Variants in SAMHD1 observed in about 807,000 individuals in gnomAD.
SAMHD1 encodes the protein deoxynucleoside triphosphate triphosphohydrolase SAMHD1.
A neutral mutation model predicts 79.6 loss-of-function variants in SAMHD1; 54 were observed. That is an observed-to-expected ratio of 0.68 (90% CI 0.55 to 0.85). SAMHD1 has a LOEUF of 0.85. SAMHD1 is among the 40% of genes least tolerant of loss of function. The pLI, the probability that SAMHD1 is intolerant of heterozygous loss-of-function variation, is 0.00. For missense variants in SAMHD1, 663 were observed against 782.7 expected, an observed-to-expected ratio of 0.85 and a Z score of 1.82; for synonymous variants, 260 against 264.1, an observed-to-expected ratio of 0.98 and a Z score of 0.15.
At position 36,923,149 on chromosome 20, in the gene SAMHD1, T is replaced by C. The variant is rs545395777; in HGVS notation, c.697-3630A>G. On this transcript the variant is annotated intron_variant, in intron 6 of 15. Transcript: ENST00000646673. ...CTGAGTAGCTGGGACTACAGGTGCC[T>C]GCCACCACACCCAGCCAATTTTTTT... Among the ~76,000 whole-genome samples the C allele has an allele frequency of 2.9e-4, 44 of 152,146 alleles. No individual in the cohort carries two copies. In the East Asian group the frequency reaches 4.5e-3, roughly 15 times the overall value.
Position 36,927,166 on chromosome 20 carries a change from C to A in SAMHD1, c.696+16G>T. 1.3e-6 allele frequency: 2 copies of A among 1,598,346 alleles called. No individual in the cohort carries two copies. The highest frequency in any genetic ancestry group is 2.7e-5 in the African/African-American group (2 of 74,692). On this transcript the variant is annotated intron_variant, in intron 6 of 15. Transcript: ENST00000646673. ...AGTCTTTCTTTTTATTGACTATTGA[C>A]TGTATGAATACATACCGTCCATTTC...
intron 4 of SAMHD1, among the ~76,000 whole-genome samples, chr20:36,933,362 G>T (rs963232299): frequency 2.0e-4 from 30 of 152,230 alleles, no homozygotes; most frequent in African/African-American, 6.7e-4. Flanking sequence ...TTTAACTTAC[G>T]CATTTCCTGA....
chr20:36,932,211 A>AG (rs2063571724), intron 4 of SAMHD1, among the ~76,000 whole-genome samples: 1 of 151,512 alleles, frequency 6.6e-6, no homozygotes, highest in Admixed American at 6.6e-5. Context: ...GCTACTTGGA[A>AG]GGCTGCTTGG....
chr20:36,913,387 T>C (rs979527819), intron 9 of SAMHD1, among the ~76,000 whole-genome samples: 1 of 151,504 alleles, frequency 6.6e-6, no homozygotes, highest in Non-Finnish European at 1.5e-5. Context: ...GCAGATCACC[T>C]GAGGTCAGGA....
rs2063546654 is a variant in SAMHD1 at position 36,928,009 on chromosome 20, T to C, written c.626-757A>G. Among the ~76,000 whole-genome samples the C allele has an allele frequency of 2.0e-5, 3 of 152,222 alleles. No individual in the cohort carries two copies. In the South Asian group the frequency reaches 6.2e-4, roughly 32 times the overall value. ...ACAGGGCTTGATAAATGGACAATTC[T>C]GTGTAACTAAAAAGAATGTTAATGC... On this transcript the variant is annotated intron_variant, in intron 5 of 15. Transcript: ENST00000646673.
chr20:36,922,205 G>C (rs1483720275), intron 6 of SAMHD1, among the ~76,000 whole-genome samples: 1 of 152,074 alleles, frequency 6.6e-6, no homozygotes, highest in African/African-American at 2.4e-5. Flanking sequence ...TTCTGGACCA[G>C]GGAAAAAAAG....
chr20:36,894,481 T>C (rs1374322605), intron 15 of SAMHD1, among the ~76,000 whole-genome samples: 1 of 151,998 alleles, frequency 6.6e-6, no homozygotes, highest in Non-Finnish European at 1.5e-5. Flanking sequence ...AAGGCAATCA[T>C]TTAGGCCAGG....
intron 9 of SAMHD1, among the ~76,000 whole-genome samples, chr20:36,914,542 A>T (rs2063464331): frequency 6.6e-6 from 1 of 151,654 alleles, no homozygotes; most frequent in Non-Finnish European, 1.5e-5. Context: ...GTAGAGACGG[A>T]GTTTCACCAT....
intron 5 of SAMHD1, among the ~76,000 whole-genome samples, chr20:36,929,721 A>AT (rs2063556893): frequency 6.6e-6 from 1 of 152,048 alleles, no homozygotes; most frequent in Non-Finnish European, 1.5e-5. Flanking sequence ...TCAAAAATAA[A>AT]AAAATAAATG....
intron 4 of SAMHD1, among the ~76,000 whole-genome samples, chr20:36,932,352 CAAAA>C (rs71186091): frequency 2.9e-5 from 1 of 34,200 alleles, no homozygotes; most frequent in Non-Finnish European, 4.8e-5. Context: ...ACTCCGTCTC[CAAAA>C]AAAAAAAAAA....
At chr20:36,927,335 G>A in intron 5 of SAMHD1, 83 bp from the exon 6 acceptor site, 2 of 677,280 alleles carry the variant, frequency 3.0e-6, no homozygotes, top group Non-Finnish European at 4.4e-6. Context: ...TTTTTTTTTT[G>A]AGACGGAGTT....
chr20:36,918,444 C>T (rs537417002), intron 7 of SAMHD1, among the ~76,000 whole-genome samples: 1 of 150,978 alleles, frequency 6.6e-6, no homozygotes, highest in African/African-American at 2.4e-5. Context: ...CATAGTGAGA[C>T]CACATCTCCA....
chr20:36,907,970 G>A (rs1296120856), intron 11 of SAMHD1, among the ~76,000 whole-genome samples: 13 of 151,882 alleles, frequency 8.6e-5, no homozygotes, highest in Non-Finnish European at 1.8e-4. Context: ...CCGCCTCCTG[G>A]GTTCAATTGA....
rs775651203 is a variant in SAMHD1, at chr20:36,919,450, G to T, written c.766C>A (p.Gln256Lys). 7.4e-6 allele frequency: 12 copies of T among 1,612,980 alleles called. No individual in the cohort carries two copies. The East Asian group carries it at 2.0e-4, about 27-fold the overall frequency. ...TCTTCTTCAGGGATGAGACCATATT[G>T]TTCCATGACAGGCTTAATTCCATTA... ...NSNGIKPVMEQYGLIPEEDIC... is the reference protein window; with the variant it reads ...NSNGIKPVMEKYGLIPEEDIC... The change falls in exon 7 of 16, where the codon CAA becomes AAA. Residue 256 changes from glutamine to lysine, a missense_variant. Gln to Lys is a moderately conservative substitution (Grantham distance 53, BLOSUM62 1). Transcript: ENST00000646673.
chr20:36,943,766 G>A (rs895250779), intron 2 of SAMHD1, among the ~76,000 whole-genome samples: 1 of 152,110 alleles, frequency 6.6e-6, no homozygotes, highest in Admixed American at 6.6e-5. Flanking sequence ...TGAGAGGACT[G>A]AGAGGGCTGA....
At chr20:36,940,824 A>C (rs1343579688) in intron 3 of SAMHD1, 32 of 592,392 alleles carry the variant, frequency 5.4e-5, no homozygotes, top group Non-Finnish European at 1.2e-5. Flanking sequence ...TGGTCTACTT[A>C]TGCTTTTCTG....
At chr20:36,946,511 C>T (rs1042966578) in intron 2 of SAMHD1, 7 of 463,270 alleles carry the variant, frequency 1.5e-5, no homozygotes, top group South Asian at 6.7e-5. Context: ...AACTTGAAGC[C>T]GGGAGGCAGA....
intron 7 of SAMHD1, 169 bp from the exon 8 acceptor site, chr20:36,917,218 A>G (rs1021688167): frequency 4.6e-5 from 29 of 635,488 alleles, no homozygotes; most frequent in Non-Finnish European, 8.2e-5. Flanking sequence ...TTTCAAAACT[A>G]GTAGAAAGGG....
At chr20:36,939,075 C>CAAAAAAAAAAAAAAAAAAA (rs1178988134) in intron 3 of SAMHD1, among the ~76,000 whole-genome samples, 6 of 22,532 alleles carry the variant, frequency 2.7e-4, no homozygotes, top group Non-Finnish European at 3.5e-4. Flanking sequence ...CTAAAAATAC[C>CAAAAAAAAAAAAAAAAAAA]AAAAAAAAAA....
Sources: gnomAD v4.1 joint callset for allele counts (sites outside exome capture counted in the v4.1 genomes callset) on GRCh38, gnomAD v4.1.1 for gene constraint, MANE v1.5 for transcripts, NCBI Gene and HGNC (gene_info 2026-07-23, HGNC 2026-07-21) for gene names.